Variants in EGFR observed in about 807,000 individuals in gnomAD.
EGFR encodes the protein epidermal growth factor receptor.
A neutral mutation model predicts 143.0 loss-of-function variants in EGFR; 58 were observed. That is an observed-to-expected ratio of 0.41 (90% CI 0.33 to 0.50). The LOEUF (loss-of-function observed/expected upper bound fraction) is 0.50. Ranked by LOEUF, EGFR falls within the 20% of genes least tolerant of loss-of-function variation. EGFR has a pLI of 0.39. For synonymous variants in EGFR, 613 were observed against 594.4 expected (o/e 1.03, Z -0.45); for missense variants, 1,307 against 1,579.0 (o/e 0.83, Z 2.92).
chr7:55,059,433 G>T (rs1789037519), intron 1 of EGFR, among the ~76,000 whole-genome samples: 1 of 151,888 alleles, frequency 6.6e-6, no homozygotes, highest in African/African-American at 2.4e-5. Context: ...CATTAGCATG[G>T]CACATTTGTT....
At chr7:55,143,193 C>T (rs958087299) in intron 2 of EGFR, 112 bp from the exon 3 acceptor site, 10 of 1,053,044 alleles carry the variant, frequency 9.5e-6, no homozygotes, top group Admixed American at 1.9e-5. Context: ...GTTGAGCACT[C>T]GTGTGCATTA....
rs1282208512 is a variant in EGFR at position 55,050,336 on chromosome 7, T to TA, written c.88+30972dup. ...CTAAGCACCTCTTATAAGTGGATCA[T>TA]ACAATGTATCTGTCTTTTTGTGACT... is the stretch of plus-strand genomic sequence containing the variant. On this transcript the variant is annotated intron_variant, in intron 1 of 27. Transcript: ENST00000275493. Among the ~76,000 whole-genome samples, 8 of 152,226 alleles carry TA rather than the reference T, an allele frequency of 5.3e-5. No homozygotes were observed. The East Asian group carries it at 5.8e-4, about 11-fold the overall frequency.
At chr7:55,089,587 G>A (rs1430818437) in intron 1 of EGFR, among the ~76,000 whole-genome samples, 1 of 152,134 alleles carries the variant, frequency 6.6e-6, no homozygotes, top group Non-Finnish European at 1.5e-5. Context: ...ATCTCTAAAA[G>A]CATGATTTTT....
At chr7:55,106,323 AC>A (rs1792129918) in intron 1 of EGFR, among the ~76,000 whole-genome samples, 1 of 152,164 alleles carries the variant, frequency 6.6e-6, no homozygotes, top group Admixed American at 6.5e-5. Flanking sequence ...AACTCACAAA[AC>A]CATTCTGGGT....
chr7:55,208,531 C>T lies in EGFR; in HGVS notation c.*2914C>T, dbSNP rs1272444619. 6.6e-6 allele frequency: 1 copy of T among 152,222 alleles called. No homozygotes were observed. The allele number at this position is 152,222 out of a possible 1,614,324, so 9.4% of individuals were successfully genotyped here. ...AGCTCACATTCATAGGTGCCGCCAG[C>T]CTTCGTGCATCTTCTTGCATCATCT... is the stretch of plus-strand genomic sequence containing the variant. On this transcript the variant is annotated 3_prime_UTR_variant, in exon 28 of 28. Coordinates refer to ENST00000275493, the MANE Select transcript of EGFR (RefSeq NM_005228.5).
Position 55,146,755 on chromosome 7 carries a change from C to A in EGFR, c.559+15C>A. The A allele has an allele frequency of 6.2e-7, 1 of 1,614,124 alleles. No homozygotes were observed. Among genetic ancestry groups the A allele is most frequent in the Non-Finnish European group, 8.5e-7 (1 of 1,180,008 alleles). ...CCTGGGCAGCTGTAAGTGTCGCATA[C>A]ACACTATCTCTGCCTCCAGCTCCTA... On this transcript the variant is annotated intron_variant, in intron 4 of 27. Transcript: ENST00000275493.
At chr7:55,090,470 T>C (rs1325912869) in intron 1 of EGFR, among the ~76,000 whole-genome samples, 1 of 152,198 alleles carries the variant, frequency 6.6e-6, no homozygotes, top group Non-Finnish European at 1.5e-5. Context: ...GTCCTATGTG[T>C]AGATTTTCTT....
intron 18 of EGFR, 103 bp downstream of exon 18, chr7:55,174,146 T>G: frequency 6.7e-7 from 1 of 1,502,322 alleles, no homozygotes; most frequent in Non-Finnish European, 9.0e-7. Context: ...TCATCTACTT[T>G]ACTCTTTGTT....
chr7:55,120,768 C>T (rs956050105), intron 1 of EGFR, among the ~76,000 whole-genome samples: 3 of 152,146 alleles, frequency 2.0e-5, no homozygotes, highest in South Asian at 2.1e-4. Flanking sequence ...GGGCATTCAT[C>T]GGGCTGCATA....
rs773720036 is a variant in EGFR, at chr7:55,191,772, G to C, written c.2523G>C (p.Arg841Ser). The C allele has an allele frequency of 6.2e-7, 1 of 1,614,074 alleles. No individual in the cohort carries two copies. The highest frequency in any genetic ancestry group is 8.5e-7 in the Non-Finnish European group (1 of 1,180,036). Reference protein sequence around the residue: ...RRLVHRDLAARNVLVKTPQHV... With the variant: ...RRLVHRDLAASNVLVKTPQHV... ...TGGTGCACCGCGACCTGGCAGCCAG[G>C]AACGTACTGGTGAAAACACCGCAGC... is the stretch of plus-strand genomic sequence containing the variant. The change falls in exon 21 of 28, where the codon AGG (arginine) becomes AGC (serine). Residue 841 changes from arginine to serine, a missense_variant. Coordinates refer to ENST00000275493, the MANE Select transcript of EGFR (RefSeq NM_005228.5).
intron 22 of EGFR, among the ~76,000 whole-genome samples, chr7:55,198,262 AT>A (rs911257323): frequency 1.3e-5 from 2 of 152,028 alleles, no homozygotes; most frequent in Non-Finnish European, 2.9e-5. Flanking sequence ...TTCATTTCCA[AT>A]TTTTTTATGA....
intron 1 of EGFR, among the ~76,000 whole-genome samples, chr7:55,104,306 G>T (rs1791994884): frequency 6.6e-6 from 1 of 152,214 alleles, no homozygotes; most frequent in Non-Finnish European, 1.5e-5. Context: ...GGAGCAGGTT[G>T]CCAAGCTGGG....
chr7:55,191,052 C>T (rs914833242), intron 20 of EGFR, among the ~76,000 whole-genome samples: 4 of 152,112 alleles, frequency 2.6e-5, no homozygotes, highest in African/African-American at 7.2e-5. Context: ...CTCTGTTGGG[C>T]GCTGTGCTGG....
intron 1 of EGFR, among the ~76,000 whole-genome samples, chr7:55,085,748 G>A (rs535374207): frequency 1.2e-4 from 19 of 152,230 alleles, no homozygotes; most frequent in African/African-American, 2.9e-4. Context: ...GGTGTGTAGC[G>A]GGTACCTTCT....
At position 55,151,379 on chromosome 7, in the gene EGFR, C is replaced by A. The variant is rs1224425202; in HGVS notation, c.628+17C>A. On this transcript the variant is annotated intron_variant, in intron 5 of 27. Coordinates refer to ENST00000275493, the MANE Select transcript of EGFR (RefSeq NM_005228.5). ...GCCAGAAACGTAAGTCAGTGAACAG[C>A]CTCAGACCCATGTGTGACCGCCCCT... The A allele has an allele frequency of 1.2e-6, 2 of 1,613,962 alleles. No homozygotes were observed. Among genetic ancestry groups the A allele is most frequent in the African/African-American group, 1.3e-5 (1 of 75,036 alleles).
chr7:55,126,943 AC>A (rs892025975), intron 1 of EGFR, among the ~76,000 whole-genome samples: 19 of 152,236 alleles, frequency 1.2e-4, no homozygotes, highest in Non-Finnish European at 2.2e-4. Context: ...GAAACCAAAC[AC>A]CCCCGCTTAA....
intron 1 of EGFR, among the ~76,000 whole-genome samples, chr7:55,137,868 G>T (rs1794238783): frequency 6.6e-6 from 1 of 152,204 alleles, no homozygotes; most frequent in African/African-American, 2.4e-5. Context: ...GACAGTTAGG[G>T]TTTCGATCAT....
intron 1 of EGFR, among the ~76,000 whole-genome samples, chr7:55,054,319 A>G (rs1458143715): frequency 6.6e-6 from 1 of 152,150 alleles, no homozygotes; most frequent in African/African-American, 2.4e-5. Context: ...CCTCCAAGTC[A>G]CTCTCCCTTT....
At chr7:55,150,934 G>T (rs1785118484) in intron 4 of EGFR, among the ~76,000 whole-genome samples, 1 of 152,208 alleles carries the variant, frequency 6.6e-6, no homozygotes, top group Non-Finnish European at 1.5e-5. Flanking sequence ...CATGCCAAAG[G>T]CTCAGCCAGA....
Sources: allele counts gnomAD v4.1 joint callset (sites outside exome capture counted in the v4.1 genomes callset), GRCh38; gene constraint gnomAD v4.1.1; transcripts MANE v1.5; gene names NCBI Gene and HGNC (gene_info 2026-07-23, HGNC 2026-07-21).